SHB: variants seen among roughly 807,000 people sequenced by gnomAD.
The protein encoded by SHB is SH2 domain containing adaptor protein B.
In SHB, 20 loss-of-function variants were observed where a neutral mutation model predicts 52.3. The ratio of observed to expected loss-of-function variants is 0.38; its 90% CI spans 0.27 to 0.56. The LOEUF is 0.56. Among genes scored for constraint, SHB ranks in the 20% least tolerant of loss-of-function variants. The probability of loss-of-function intolerance (pLI) is 0.71; values close to 1 mark genes in which losing one functional copy is unlikely to be tolerated. For missense variants in SHB, 825 were observed against 723.3 expected (o/e 1.14, Z -1.61); for synonymous variants, 397 against 316.5 (o/e 1.25, Z -2.70).
chr9:38,062,691 T>C (rs1821909867), intron 1 of SHB, among the ~76,000 whole-genome samples: 1 of 152,168 alleles, frequency 6.6e-6, no homozygotes, highest in African/African-American at 2.4e-5. Context: ...TGCAAAGGCA[T>C]GAGTGAGCCC....
Position 38,068,307 on chromosome 9 carries a change from G to C in SHB, c.339C>G (p.Asp113Glu), listed in dbSNP as rs749442138. 3 of 1,513,744 alleles carry C rather than the reference G, an allele frequency of 2.0e-6. No homozygotes were observed. The African/African-American group carries it at 4.3e-5, about 22-fold the overall frequency. The allele number at this position is 1,513,744 out of a possible 1,614,324, so 93.8% of individuals were successfully genotyped here. A position where few individuals can be genotyped will look rare whatever the true frequency, so the allele number is the denominator to read the frequency against. Reference protein sequence around the residue: ...LRKLRAMCRLDYCGGSGEPGG... With the variant: ...LRKLRAMCRLEYCGGSGEPGG... ...CTGGCTCCCCGCTGCCGCCGCAGTA[G>C]TCCAGGCGGCACATGGCGCGCAGTT... Residue 113 changes from aspartate (D) to glutamate (E), a missense_variant, in exon 1 of 6, where the codon GAC becomes GAG. Physicochemically the swap from Asp to Glu is conservative, Grantham distance 45. Transcript: ENST00000377707.
intron 1 of SHB, among the ~76,000 whole-genome samples, chr9:38,037,835 G>A (rs1053577876): frequency 1.3e-5 from 2 of 152,186 alleles, no homozygotes; most frequent in African/African-American, 2.4e-5. Flanking sequence ...CTTCCTGCAG[G>A]AGACACAGGC....
At chr9:37,940,257 C>G (rs1296757606) in intron 5 of SHB, among the ~76,000 whole-genome samples, 3 of 152,206 alleles carry the variant, frequency 2.0e-5, no homozygotes, top group Admixed American at 6.5e-5. Flanking sequence ...CAATGTTTTA[C>G]CACCAGCAGG....
At chr9:37,989,003 A>G (rs1417020096) in intron 2 of SHB, among the ~76,000 whole-genome samples, 1 of 151,602 alleles carries the variant, frequency 6.6e-6, no homozygotes, top group Middle Eastern at 3.2e-3. Context: ...CTTACCAACA[A>G]ATTTTGGGAC....
rs1333215857 is a variant in SHB, at chr9:37,917,129, G to GT, written c.*2691dup. ...CTGAAAGGGAAAAGCTGTTTCAATT[G>GT]TTAGATGTCCAAGAAAACATGAATA... is the stretch of plus-strand genomic sequence containing the variant. On this transcript the variant is annotated 3_prime_UTR_variant, in exon 6 of 6. Transcript: ENST00000377707. Among the ~76,000 whole-genome samples the GT allele has an allele frequency of 1.3e-5, 2 of 151,998 alleles. No homozygotes were observed. Among genetic ancestry groups the GT allele is most frequent in the Non-Finnish European group, 2.9e-5 (2 of 68,012 alleles).
At chr9:38,009,046 T>C (rs1821105425) in intron 2 of SHB, among the ~76,000 whole-genome samples, 1 of 152,152 alleles carries the variant, frequency 6.6e-6, no homozygotes, top group Admixed American at 6.5e-5. Context: ...ACGGCAAATA[T>C]GAGAGGAAGG....
chr9:38,054,041 C>T (rs1337828962), intron 1 of SHB, among the ~76,000 whole-genome samples: 24 of 152,224 alleles, frequency 1.6e-4, no homozygotes, highest in Admixed American at 1.3e-3. Flanking sequence ...CCATCTGTTA[C>T]TATTCTACCT....
intron 3 of SHB, among the ~76,000 whole-genome samples, chr9:37,962,778 G>T (rs1039129169): frequency 2.6e-5 from 4 of 151,852 alleles, no homozygotes; most frequent in African/African-American, 9.7e-5. Flanking sequence ...TCCCCCAAAC[G>T]CTGGGATTAT....
intron 2 of SHB, among the ~76,000 whole-genome samples, chr9:37,991,916 C>T (rs117813127): frequency 0.017 from 2,523 of 152,296 alleles, 26 homozygotes; most frequent in Middle Eastern, 0.034. Flanking sequence ...GGCAGCACCA[C>T]GACAGGTTCT....
intron 4 of SHB, among the ~76,000 whole-genome samples, chr9:37,950,606 G>A (rs1455055150): frequency 2.0e-5 from 3 of 152,212 alleles, no homozygotes; most frequent in Admixed American, 6.5e-5. Flanking sequence ...CGGTACTGTG[G>A]TTGGAGTGTG....
intron 1 of SHB, among the ~76,000 whole-genome samples, chr9:38,067,267 C>G (rs1275452025): frequency 6.6e-6 from 1 of 152,134 alleles, no homozygotes; most frequent in East Asian, 1.9e-4. Context: ...CCCTCCCGCG[C>G]GCAGCGGGAG....
At chr9:38,058,542 A>G (rs1158491152) in intron 1 of SHB, among the ~76,000 whole-genome samples, 2 of 152,032 alleles carry the variant, frequency 1.3e-5, no homozygotes. Context: ...TCTGCTCTAG[A>G]ATCTCCAGAG....
In SHB at chr9:37,962,111, A is replaced by C. The variant is rs531699763; in HGVS notation, c.1055-6057T>G. 2.9e-4 allele frequency among the ~76,000 whole-genome samples: 44 copies of C among 152,334 alleles called. 2 individuals are homozygous for C. In the South Asian group the frequency reaches 6.8e-3, roughly 24 times the overall value. On this transcript the variant is annotated intron_variant, in intron 3 of 5. Transcript: ENST00000377707. ...TTGAGCCTTAGCTGCCTCATCTGCA[A>C]ACCAGGGCTGACAATACCTGTACCG...
chr9:37,977,064 C>T (rs1291416691), intron 2 of SHB, among the ~76,000 whole-genome samples: 1 of 152,174 alleles, frequency 6.6e-6, no homozygotes, highest in Non-Finnish European at 1.5e-5. Context: ...TGACTTGGGC[C>T]ATTTCTGCCT....
At chr9:38,034,760 G>A (rs544033489) in intron 1 of SHB, among the ~76,000 whole-genome samples, 17 of 152,312 alleles carry the variant, frequency 1.1e-4, no homozygotes, top group East Asian at 1.9e-4. Flanking sequence ...GCAGTGGTGC[G>A]ATCTCAGCTC....
intron 2 of SHB, among the ~76,000 whole-genome samples, chr9:38,001,950 C>T (rs1191695556): frequency 6.6e-6 from 1 of 151,600 alleles, no homozygotes; most frequent in Non-Finnish European, 1.5e-5. Context: ...GACTTTCATC[C>T]ACCCTGATCC....
Position 37,990,269 on chromosome 9 carries a change from G to A in SHB, c.839-15432C>T, listed in dbSNP as rs559267437. Among the ~76,000 whole-genome samples, 6 of 152,160 alleles carry A rather than the reference G, an allele frequency of 3.9e-5. No individual in the cohort carries two copies. In the East Asian group the frequency reaches 1.2e-3, roughly 29 times the overall value. On this transcript the variant is annotated intron_variant, in intron 2 of 5. Transcript: ENST00000377707. ...TCAAGGGTGTTGGAGGTGGTACAGG[G>A]GCTCAGAGATGAATCCAATACTCCC...
At chr9:37,982,568 G>A (rs1050090482) in intron 2 of SHB, among the ~76,000 whole-genome samples, 2 of 151,864 alleles carry the variant, frequency 1.3e-5, no homozygotes, top group South Asian at 2.1e-4. Context: ...CGAGGCGGGC[G>A]GATCATGAGT....
At chr9:38,041,783 G>T (rs1821581240) in intron 1 of SHB, among the ~76,000 whole-genome samples, 1 of 152,168 alleles carries the variant, frequency 6.6e-6, no homozygotes, top group African/African-American at 2.4e-5. Context: ...CGTGACAGGG[G>T]CCGGTACTGA....
Sources: allele counts gnomAD v4.1 joint callset (sites outside exome capture counted in the v4.1 genomes callset), GRCh38; gene constraint gnomAD v4.1.1; transcripts MANE v1.5; gene names NCBI Gene and HGNC (gene_info 2026-07-23, HGNC 2026-07-21).